ANKZF1: variants seen among roughly 807,000 people sequenced by gnomAD.
ANKZF1 encodes the protein tRNA endonuclease ANKZF1.
ANKZF1 carries 84 observed loss-of-function variants against 86.0 expected under a neutral mutation model. The ratio of observed to expected loss-of-function variants is 0.98; its 90% confidence interval spans 0.82 to 1.17. The LOEUF (loss-of-function observed/expected upper bound fraction) is 1.17. ANKZF1 is among the 50% of genes most tolerant of loss of function. The pLI, the probability that ANKZF1 is intolerant of heterozygous loss-of-function variation, is 0.00. For synonymous variants in ANKZF1, 331 were observed against 354.2 expected (o/e 0.93, Z 0.74); for missense variants, 893 against 918.4 (o/e 0.97, Z 0.36).
Position 219,234,916 on chromosome 2 carries a change from T to C in ANKZF1, c.1295T>C (p.Val432Ala). Residue 432 changes from valine (V) to alanine (A), a missense_variant, in exon 10 of 14, where the codon GTA becomes GCA. Physicochemically the swap from Val to Ala is moderately conservative, Grantham distance 64. Coordinates refer to ENST00000323348, the MANE Select transcript of ANKZF1 (RefSeq NM_018089.3). ...ACTCTGGATCTTTGTGAGTCTGAAG[T>C]ATTGCCCAAGCGGAGGAGGAGAAAA... ...VGTLDLCESE[V>A]LPKRRRRKRN... is the part of the protein sequence containing the mutation. 5 of 1,613,966 alleles carry C rather than the reference T, an allele frequency of 3.1e-6. No individual in the cohort carries two copies. The highest frequency in any genetic ancestry group is 4.2e-6 in the Non-Finnish European group (5 of 1,180,014).
At chr2:219,230,075 T>G in intron 1 of ANKZF1, 153 bp from the exon 2 acceptor site, 1 of 577,534 alleles carries the variant, frequency 1.7e-6, no homozygotes, top group Non-Finnish European at 2.9e-6. Flanking sequence ...TTTGAGAAAG[T>G]GGACGGGGGC....
Position 219,230,213 on chromosome 2 carries a change from C to T in ANKZF1, c.-30-15C>T, listed in dbSNP as rs924529732. 4 of 1,594,924 alleles carry T rather than the reference C, an allele frequency of 2.5e-6. No homozygotes were observed. Among genetic ancestry groups the T allele is most frequent in the Non-Finnish European group, 3.4e-6 (4 of 1,167,256 alleles). On this transcript the variant is annotated splice_polypyrimidine_tract_variant and intron_variant, in intron 1 of 13. Coordinates refer to ENST00000323348, the MANE Select transcript of ANKZF1 (RefSeq NM_018089.3). ...GTTTGCAGGAGCCCTGTTTCTTACA[C>T]GCTTTCTACTCCAGGAGCTGCTGCT...
intron 9 of ANKZF1, 150 bp from the exon 10 acceptor site, chr2:219,234,674 GCA>G: frequency 1.9e-6 from 2 of 1,032,340 alleles, no homozygotes; most frequent in East Asian, 4.8e-5. Context: ...CCTCATTTCT[GCA>G]TGTGATATAA....
chr2:219,232,229 A>ACTACCGGCCCAAGTTAAAC, intron 3 of ANKZF1, 31 bp from the exon 4 acceptor site: 1 of 1,605,888 alleles, frequency 6.2e-7, no homozygotes. Flanking sequence ...GCATATTTCC[A>ACTACCGGCCCAAGTTAAAC]CCTTTATCTC....
chr2:219,236,422 C>G lies in ANKZF1; in HGVS notation c.2158C>G (p.Gln720Glu), dbSNP rs765882615. ...STRCLQDHRRQAGRPSS is the reference protein window; with the variant it reads ...STRCLQDHRREAGRPSS ...ACGTTGCCTCCAGGATCATCGCCGT[C>G]AGGCAGGGAGGCCCTCTTCCTGATC... Residue 720 changes from glutamine to glutamate, a missense_variant, in exon 14 of 14, where the codon CAG becomes GAG. Gln to Glu is a conservative substitution (Grantham distance 29). Transcript: ENST00000323348. 6.2e-6 allele frequency: 10 copies of G among 1,609,488 alleles called. No homozygotes were observed. Among genetic ancestry groups the G allele is most frequent in the Middle Eastern group, 1.6e-4 (1 of 6,068 alleles).
In ANKZF1 at chr2:219,235,202, C is replaced by G. The variant is rs372235404; in HGVS notation, c.1581C>G (p.Leu527=). 1.9e-6 allele frequency: 3 copies of G among 1,613,922 alleles called. No individual in the cohort carries two copies. In the African/African-American group the frequency reaches 4.0e-5, roughly 22 times the overall value. Residue 527 remains leucine, a synonymous_variant, in exon 10 of 14, where the codon CTC becomes CTG. Transcript: ENST00000323348. The stretch of plus-strand genomic sequence containing the variant: ...CAGACCCTAGAGTTCTGTCTCTGCT[C>G]AGTGCCCCCTTGGGCTCCGGTGGCT... The part of the protein sequence containing the change: ...SPADPRVLSL[L]SAPLGSGGFT...
At position 219,232,579 on chromosome 2, in the gene ANKZF1, G is replaced by C. The variant is rs149382949; in HGVS notation, c.454G>C (p.Glu152Gln). 11 of 1,614,060 alleles carry C rather than the reference G, an allele frequency of 6.8e-6. No individual in the cohort carries two copies. Among genetic ancestry groups the C allele is most frequent in the Non-Finnish European group, 9.3e-6 (11 of 1,180,050 alleles). Residue 152 changes from glutamate (E) to glutamine (Q), a missense_variant, in exon 5 of 14, where the codon GAG (glutamate) becomes CAG (glutamine). Coordinates refer to ENST00000323348, the MANE Select transcript of ANKZF1 (RefSeq NM_018089.3). ...ACTGGATCGGGAGAGGGCTACATTT[G>C]AGAAGTTGAGCCGACCCCCAGGCTT... is the stretch of plus-strand genomic sequence containing the variant. Reference protein sequence around the residue: ...QTLDRERATFEKLSRPPGFYP... With the variant: ...QTLDRERATFQKLSRPPGFYP...
intron 3 of ANKZF1, 52 bp from the exon 4 acceptor site, chr2:219,232,208 G>C: frequency 6.3e-7 from 1 of 1,576,900 alleles, no homozygotes; most frequent in Non-Finnish European, 8.7e-7. Context: ...CCAGTACAAG[G>C]CCAGGCTGGG....
chr2:219,232,714 C>T lies in ANKZF1; in HGVS notation c.558+31C>T, dbSNP rs767947994. ...TGACAGTACAGGTTGCATGGCTAAC[C>T]CCAGCCTTTTGTACACCCAGCCTAG... On this transcript the variant is annotated intron_variant, in intron 5 of 13. Coordinates refer to ENST00000323348, the MANE Select transcript of ANKZF1 (RefSeq NM_018089.3). 2.5e-6 allele frequency: 4 copies of T among 1,597,980 alleles called. No homozygotes were observed. The South Asian group carries it at 4.5e-5, about 18-fold the overall frequency.
rs1213793958 is a variant in ANKZF1, at chr2:219,234,831, G to A, written c.1210G>A (p.Gly404Arg). ...QNEESPKQGSGSEGEDGFQVE... is the reference protein window; with the variant it reads ...QNEESPKQGSRSEGEDGFQVE... ...CATGTCAGGTTTTTCCCTAGGTTCA[G>A]GGTCGGAGGGAGAAGATGGCTTTCA... Residue 404 changes from glycine to arginine, a missense_variant, in exon 10 of 14, where the codon GGG becomes AGG. Transcript: ENST00000323348. 2 of 1,609,552 alleles carry A rather than the reference G, an allele frequency of 1.2e-6. No individual in the cohort carries two copies. The highest frequency in any genetic ancestry group is 2.2e-5 in the South Asian group (2 of 90,734).
At chr2:219,236,299 C>A in intron 13 of ANKZF1, 23 bp from the exon 14 acceptor site, 2 of 1,613,744 alleles carry the variant, frequency 1.2e-6, no homozygotes, top group Non-Finnish European at 1.7e-6. Context: ...ACCTGTCCAG[C>A]CATTTTTCTT....
At chr2:219,232,214 C>G in intron 3 of ANKZF1, 46 bp from the exon 4 acceptor site, 1 of 1,586,240 alleles carries the variant, frequency 6.3e-7, no homozygotes, top group East Asian at 2.2e-5. Flanking sequence ...CAAGGCCAGG[C>G]TGGGGCATAT....
In ANKZF1 at chr2:219,232,374, T is replaced by A; in HGVS notation, c.364+12T>A. 1 of 1,613,660 alleles carries A rather than the reference T, an allele frequency of 6.2e-7. No homozygotes were observed. Among genetic ancestry groups the A allele is most frequent in the Non-Finnish European group, 8.5e-7 (1 of 1,179,540 alleles). ...GCAGAGCTCCACAGGTGATGAGTGG[T>A]AGGGGGACCTATGTAGGAGTAGGAC... On this transcript the variant is annotated intron_variant, in intron 4 of 13. Transcript: ENST00000323348.
At position 219,230,331 on chromosome 2, in the gene ANKZF1, T is replaced by G. The variant is rs1574841362; in HGVS notation, c.74T>G (p.Val25Gly). ...TTTGACCTCAGCGCGGATGCTCCGG[T>G]CTTTCAGGGCCTGAGCCTGGTGAGC... ...SLFDLSADAP[V>G]FQGLSLVSHA... The change falls in exon 2 of 14, where the codon GTC becomes GGC. Residue 25 changes from valine to glycine, a missense_variant. Physicochemically the swap from Val to Gly is moderately radical, Grantham distance 109 (BLOSUM62 -3). Transcript: ENST00000323348. The G allele has an allele frequency of 1.2e-6, 2 of 1,614,126 alleles. No individual in the cohort carries two copies. The highest frequency in any genetic ancestry group is 1.7e-6 in the Non-Finnish European group (2 of 1,180,002).
Position 219,234,257 on chromosome 2 carries a change from G to A in ANKZF1, c.1173G>A (p.Ala391=), listed in dbSNP as rs779054428. The change falls in exon 9 of 14, where the codon GCG becomes GCA. Residue 391 remains alanine (A), a synonymous_variant. Coordinates refer to ENST00000323348, the MANE Select transcript of ANKZF1 (RefSeq NM_018089.3). ...AGATCTGCAGGGATGAAAAGGAAGC[G>A]CTGGGGCAGAATGAGGAATCTCCCA... ...IRKICRDEKE[A]LGQNEESPKQ... is the part of the protein sequence containing the mutation. 5.8e-5 allele frequency: 94 copies of A among 1,613,850 alleles called. 1 individual carries two copies. Among genetic ancestry groups the A allele is most frequent in the Middle Eastern group, 3.3e-4 (2 of 6,084 alleles).
rs1306693625 is a variant in ANKZF1, at chr2:219,230,511, AT to A, written c.148+109del. ...ATTCCCGAGCTTAGGAGGCCAATTG[AT>A]TTATCTTTCTGCTTGATTAAATTCA... On this transcript the variant is annotated intron_variant, in intron 2 of 13. Coordinates refer to ENST00000323348, the MANE Select transcript of ANKZF1 (RefSeq NM_018089.3). 8.7e-6 allele frequency: 12 copies of A among 1,373,372 alleles called. No homozygotes were observed. In the African/African-American group the frequency reaches 1.8e-4, roughly 20 times the overall value. The allele number at this position is 1,373,372 out of a possible 1,614,324, so 85.1% of individuals were successfully genotyped here.
intron 5 of ANKZF1, 143 bp from the exon 6 acceptor site, chr2:219,232,936 G>A: frequency 1.1e-6 from 1 of 918,384 alleles, no homozygotes; most frequent in Non-Finnish European, 1.7e-6. Context: ...GCCTCGCCAA[G>A]CCTCAAATTT....
At chr2:219,232,176 A>C in intron 3 of ANKZF1, 84 bp from the exon 4 acceptor site, 1 of 1,471,440 alleles carries the variant, frequency 6.8e-7, no homozygotes, top group Non-Finnish European at 9.4e-7. Flanking sequence ...TGTACTTCCT[A>C]GAATACTATA....
At position 219,233,941 on chromosome 2, in the gene ANKZF1, A is replaced by G. The variant is rs958109115; in HGVS notation, c.1046A>G (p.Tyr349Cys). The stretch of plus-strand genomic sequence containing the variant: ...CATAAGCTGACCACTTTGCATGTCT[A>G]TGGTGAGCCTTTGCTCCAGATCCCA... ...VLHKLTTLHV[Y>C]EEDPREAVRL... Residue 349 changes from tyrosine to cysteine, a missense_variant and splice_region_variant, in exon 8 of 14, where the codon TAT (tyrosine) becomes TGT (cysteine). By Grantham distance (194) the Tyr-to-Cys change is radical. Coordinates refer to ENST00000323348, the MANE Select transcript of ANKZF1 (RefSeq NM_018089.3). 4 of 1,564,822 alleles carry G rather than the reference A, an allele frequency of 2.6e-6. No individual in the cohort carries two copies. The highest frequency in any genetic ancestry group is 1.9e-5 in the Admixed American group (1 of 51,704).
Sources: allele counts gnomAD v4.1 joint callset, GRCh38; gene constraint gnomAD v4.1.1; transcripts MANE v1.5; gene names NCBI Gene and HGNC (gene_info 2026-07-23, HGNC 2026-07-21).